PLEKHM2: variants seen among roughly 807,000 people sequenced by gnomAD.
PLEKHM2 encodes pleckstrin homology domain-containing family M member 2.
In PLEKHM2, 77 loss-of-function variants were observed where a neutral mutation model predicts 116.3. The ratio of observed to expected loss-of-function variants is 0.66; its 90% confidence interval spans 0.55 to 0.80. The LOEUF is 0.80. PLEKHM2 is among the 30% of genes least tolerant of loss of function. PLEKHM2 has a pLI of 0.00. For synonymous variants in PLEKHM2, 562 were observed against 571.0 expected (o/e 0.98, Z 0.22); for missense variants, 1,183 against 1,354.9 (o/e 0.87, Z 1.99).
rs1162014439 is a variant in PLEKHM2 at position 15,729,262 on chromosome 1, G to T, written c.2075+72G>T. On this transcript the variant is annotated intron_variant, in intron 13 of 19. Coordinates refer to ENST00000375799, the MANE Select transcript of PLEKHM2 (RefSeq NM_015164.4). This position sits in a 1 kb window ranked among gnomAD's most constrained non-coding sequence, Gnocchi z 4.7. The stretch of plus-strand genomic sequence containing the variant: ...CGCCCATAGGTGTGGGTGGCCTGGG[G>T]GTCAGGGGTGGAGGTGGAAAGTGGG... 2 of 1,291,216 alleles carry T rather than the reference G, an allele frequency of 1.5e-6. No homozygotes were observed. Among genetic ancestry groups the T allele is most frequent in the Non-Finnish European group, 2.2e-6 (2 of 907,240 alleles). The allele number at this position is 1,291,216 out of a possible 1,614,324, so 80.0% of individuals were successfully genotyped here. A position where few individuals can be genotyped will look rare whatever the true frequency, so the allele number is the denominator to read the frequency against.
intron 4 of PLEKHM2, 63 bp from the exon 5 acceptor site, chr1:15,718,475 T>C: frequency 1.0e-6 from 1 of 956,338 alleles, no homozygotes; most frequent in Non-Finnish European, 1.7e-6. Flanking sequence ...GGTATGTTGG[T>C]AAGGTTAGGC....
chr1:15,689,843 G>A (rs571698052), intron 1 of PLEKHM2, among the ~76,000 whole-genome samples: 1 of 151,740 alleles, frequency 6.6e-6, no homozygotes, highest in Non-Finnish European at 1.5e-5. Context: ...TGCAACCTCC[G>A]CCTCCCAAGT....
intron 1 of PLEKHM2, among the ~76,000 whole-genome samples, chr1:15,698,540 TC>T (rs1641045607): frequency 7.5e-5 from 10 of 133,704 alleles, no homozygotes; most frequent in African/African-American, 3.0e-4. Flanking sequence ...TTTCTTTCTT[TC>T]TTTCTTTCTT....
In PLEKHM2 at chr1:15,729,800, C is replaced by T. The variant is rs757310467; in HGVS notation, c.2079C>T (p.Phe693=). Residue 693 remains phenylalanine (F), a synonymous_variant, in exon 14 of 20, where the codon TTC becomes TTT. Transcript: ENST00000375799. This position sits in a 1 kb window ranked among gnomAD's most constrained non-coding sequence, Gnocchi z 4.7. ...LDTADVALAE[F]FLASLKSAMI... ...ACAAACCTCACTCCCTATGCAGGTT[C>T]TTTTTGGCTTCTTTGAAGTCAGCCA... 6.2e-7 allele frequency: 1 copy of T among 1,611,784 alleles called. No individual in the cohort carries two copies. The highest frequency in any genetic ancestry group is 2.2e-5 in the East Asian group (1 of 44,862).
In PLEKHM2 at chr1:15,732,606, C is replaced by T. The variant is rs770164278; in HGVS notation, c.2806-6C>T. ...GCTGCTCACCCGGGGGCCTGGCTCT[C>T]CCTAGGAGTTCTCCCAGGACAGCCA... On this transcript the variant is annotated splice_polypyrimidine_tract_variant and splice_region_variant and intron_variant, in intron 18 of 19. Coordinates refer to ENST00000375799, the MANE Select transcript of PLEKHM2 (RefSeq NM_015164.4). 19 of 1,598,648 alleles carry T rather than the reference C, an allele frequency of 1.2e-5. No individual in the cohort carries two copies. The highest frequency in any genetic ancestry group is 1.5e-5 in the Non-Finnish European group (18 of 1,172,686).
In PLEKHM2 at chr1:15,684,591, G is replaced by A; in HGVS notation, c.33G>A (p.Leu11=). The A allele has an allele frequency of 7.6e-7, 1 of 1,314,652 alleles. No individual in the cohort carries two copies. Among genetic ancestry groups the A allele is most frequent in the Non-Finnish European group, 9.8e-7 (1 of 1,019,012 alleles). The allele number at this position is 1,314,652 out of a possible 1,614,324, so 81.4% of individuals were successfully genotyped here. ...CGGGGGAGGTGAAGGACCGGATCCT[G>A]GAGAACATCTCGCTGTCGGTGAAGA... MEPGEVKDRI[L]ENISLSVKKL... The change falls in exon 1 of 20, where the codon CTG becomes CTA. Residue 11 remains leucine (L), a synonymous_variant. Transcript: ENST00000375799.
At chr1:15,716,843 G>T (rs1372002027) in intron 3 of PLEKHM2, 27 bp downstream of exon 3, 1 of 1,551,720 alleles carries the variant, frequency 6.4e-7, no homozygotes. Flanking sequence ...AGACGCTGGG[G>T]AAGGGACCAG....
Position 15,717,989 on chromosome 1 carries a change from T to G in PLEKHM2, c.374T>G (p.Val125Gly). ...ENLGLLHKYY[V>G]KNALVCSHDH... ...CTGGGCCTGCTGCATAAGTACTACG[T>G]CAAGTGAGTGTCTGGGACGGTCTGT... Residue 125 changes from valine to glycine, a missense_variant, in exon 4 of 20, where the codon GTC (valine) becomes GGC (glycine). Around this residue, in one of 3 missense-constraint regions of PLEKHM2, gnomAD observed 217 missense variants for 277.6 expected, o/e 0.78. Coordinates refer to ENST00000375799, the MANE Select transcript of PLEKHM2 (RefSeq NM_015164.4). 1 of 1,578,032 alleles carries G rather than the reference T, an allele frequency of 6.3e-7. No homozygotes were observed. Among genetic ancestry groups the G allele is most frequent in the Non-Finnish European group, 8.6e-7 (1 of 1,158,198 alleles).
At chr1:15,712,518 A>C (rs1247641313) in intron 1 of PLEKHM2, among the ~76,000 whole-genome samples, 2 of 152,264 alleles carry the variant, frequency 1.3e-5, no homozygotes, top group Admixed American at 6.5e-5. Flanking sequence ...TGCTATGTCC[A>C]GGAACTGGAT....
At chr1:15,724,667 C>T (rs995813271) in intron 7 of PLEKHM2, among the ~76,000 whole-genome samples, 6 of 152,148 alleles carry the variant, frequency 3.9e-5, no homozygotes, top group Non-Finnish European at 7.4e-5. Flanking sequence ...CATCTTGTCT[C>T]TACTCTGTGC....
At position 15,721,061 on chromosome 1, in the gene PLEKHM2, C is replaced by G. The variant is rs537750540; in HGVS notation, c.653-268C>G. On this transcript the variant is annotated intron_variant, in intron 6 of 19. Transcript: ENST00000375799. The surrounding 1 kb of genome is among the most constrained non-coding windows in gnomAD (Gnocchi z 5.1). ...GCTAGGCACAGGCAGCCAGGCTTCT[C>G]TCTGCCAGAACCAGCTTCTGGATGT... 3 of 422,276 alleles carry G rather than the reference C, an allele frequency of 7.1e-6. No individual in the cohort carries two copies. Among genetic ancestry groups the G allele is most frequent in the South Asian group, 4.5e-5 (1 of 22,110 alleles). The allele number at this position is 422,276 out of a possible 1,614,324, so 26.2% of individuals were successfully genotyped here.
chr1:15,691,444 A>C (rs1302621571), intron 1 of PLEKHM2, among the ~76,000 whole-genome samples: 1 of 152,234 alleles, frequency 6.6e-6, no homozygotes, highest in Non-Finnish European at 1.5e-5. Flanking sequence ...AATGAAAAGT[A>C]ATTGCCCCTG....
Position 15,716,217 on chromosome 1 carries a change from GGT to G in PLEKHM2, c.61-17_61-16del. ...CCTCTTAATCCATTTCTGATTTGGA[GGT>G]GTTTTTTTTTCTTTCAGTTGCAGAG... On this transcript the variant is annotated intron_variant, in intron 1 of 19. Transcript: ENST00000375799. 1 of 1,373,772 alleles carries G rather than the reference GGT, an allele frequency of 7.3e-7. No individual in the cohort carries two copies. Among genetic ancestry groups the G allele is most frequent in the Non-Finnish European group, 1.0e-6 (1 of 993,378 alleles). 85.1% of individuals were successfully genotyped at this position (1,373,772 alleles called of 1,614,324 possible).
Position 15,729,256 on chromosome 1 carries a change from C to T in PLEKHM2, c.2075+66C>T. 1.4e-6 allele frequency: 2 copies of T among 1,384,152 alleles called. No homozygotes were observed. The highest frequency in any genetic ancestry group is 1.2e-5 in the South Asian group (1 of 81,676). The allele number at this position is 1,384,152 out of a possible 1,614,324, so 85.7% of individuals were successfully genotyped here. A position where few individuals can be genotyped will look rare whatever the true frequency, so the allele number is the denominator to read the frequency against. On this transcript the variant is annotated intron_variant, in intron 13 of 19. Coordinates refer to ENST00000375799, the MANE Select transcript of PLEKHM2 (RefSeq NM_015164.4). This position sits in a 1 kb window ranked among gnomAD's most constrained non-coding sequence, Gnocchi z 4.7. ...CGCAGCCGCCCATAGGTGTGGGTGG[C>T]CTGGGGGTCAGGGGTGGAGGTGGAA...
rs1571066171 is a variant in PLEKHM2, at chr1:15,727,151, T to C, written c.1079T>C (p.Leu360Pro). The change falls in exon 9 of 20, where the codon CTT becomes CCT. Residue 360 changes from leucine (L) to proline (P), a missense_variant. Leu to Pro is a moderately conservative substitution (Grantham distance 98). Around this residue, in one of 3 missense-constraint regions of PLEKHM2, gnomAD observed 372 missense variants for 357.2 expected, o/e 1.04. Coordinates refer to ENST00000375799, the MANE Select transcript of PLEKHM2 (RefSeq NM_015164.4). The surrounding 1 kb of genome is among the most constrained non-coding windows in gnomAD (Gnocchi z 7.5). ...DGDSRNGSPSLGRDSPDTMLA... is the reference protein window; with the variant it reads ...DGDSRNGSPSPGRDSPDTMLA... ...GACAGCCGCAACGGCAGCCCAAGCC[T>C]TGGGCGGGACTCGCCAGACACTATG... 6.3e-7 allele frequency: 1 copy of C among 1,597,802 alleles called. No individual in the cohort carries two copies. The highest frequency in any genetic ancestry group is 8.5e-7 in the Non-Finnish European group (1 of 1,171,650).
chr1:15,732,863 G>A lies in PLEKHM2; in HGVS notation c.2922+135G>A, dbSNP rs1001272893. ...CCTGGGCACAGCCATGTACCAGGGC[G>A]CTCCTGCCTCAGCCCCGGGGGTGAG... On this transcript the variant is annotated intron_variant, in intron 19 of 19. Transcript: ENST00000375799. 18 of 630,438 alleles carry A rather than the reference G, an allele frequency of 2.9e-5. 1 individual carries two copies. Among genetic ancestry groups the A allele is most frequent in the South Asian group, 1.4e-4 (7 of 51,366 alleles). 39.1% of individuals were successfully genotyped at this position (630,438 alleles called of 1,614,324 possible). A position where few individuals can be genotyped will look rare whatever the true frequency, so the allele number is the denominator to read the frequency against.
chr1:15,732,759 A>G, intron 19 of PLEKHM2, 31 bp downstream of exon 19: 1 of 1,466,916 alleles, frequency 6.8e-7, no homozygotes, highest in Non-Finnish European at 9.4e-7. Context: ...CCCATTAGCC[A>G]GGGACCCTGT....
chr1:15,725,751 A>C (rs1571063968), intron 8 of PLEKHM2: 1 of 582,062 alleles, frequency 1.7e-6, no homozygotes, highest in South Asian at 2.1e-5. Context: ...GGAACAAAGC[A>C]CCGCAGACAG....
chr1:15,690,575 A>T (rs1357943192), intron 1 of PLEKHM2, among the ~76,000 whole-genome samples: 1 of 152,234 alleles, frequency 6.6e-6, no homozygotes, highest in Non-Finnish European at 1.5e-5. Context: ...TAGTTCGCAT[A>T]CGACGCATGT....
Sources: gnomAD v4.1 joint callset for allele counts (sites outside exome capture counted in the v4.1 genomes callset) on GRCh38, gnomAD v4.1.1 for gene constraint, gnomAD v4.1.1 regional missense constraint, Gnocchi (gnomAD v3.1) non-coding constraint, MANE v1.5 for transcripts, NCBI Gene and HGNC (gene_info 2026-07-23, HGNC 2026-07-21) for gene names.